Variants in LRRK1 observed in about 807,000 individuals in gnomAD.
LRRK1 encodes leucine-rich repeat serine/threonine-protein kinase 1.
LRRK1 carries 113 observed loss-of-function variants against 209.1 expected under a neutral mutation model. That is an observed-to-expected ratio of 0.54 (90% CI 0.46 to 0.63). The LOEUF (loss-of-function observed/expected upper bound fraction) is 0.63. Among genes scored for constraint, LRRK1 ranks in the 30% least tolerant of loss-of-function variants. LRRK1 has a pLI of 0.00. For missense variants in LRRK1, 2,284 were observed against 2,632.2 expected (o/e 0.87, Z 2.89); for synonymous variants, 1,144 against 1,099.7 (o/e 1.04, Z -0.80).
intron 2 of LRRK1, among the ~76,000 whole-genome samples, chr15:100,952,998 T>G (rs2042685272): frequency 6.6e-6 from 1 of 152,236 alleles, no homozygotes; most frequent in Admixed American, 6.5e-5. Context: ...TGAGGTATAA[T>G]TGCCAAATAA....
At chr15:101,004,681 A>G (rs77390272) in intron 6 of LRRK1, among the ~76,000 whole-genome samples, 4,803 of 152,300 alleles carry the variant, frequency 0.032, 255 homozygotes, top group African/African-American at 0.11. Context: ...GCTCACCTCC[A>G]CTGCGGCTTG....
chr15:100,963,324 A>T (rs1272926756), intron 2 of LRRK1, among the ~76,000 whole-genome samples: 1 of 152,204 alleles, frequency 6.6e-6, no homozygotes, highest in East Asian at 1.9e-4. Flanking sequence ...TAACTTAGAA[A>T]GCCGAGTAGC....
In LRRK1 at chr15:100,967,407, G is replaced by A. The variant is rs1551462; in HGVS notation, c.98-6397G>A. ...GTGTGTGATGGTCATCCATTTACTT[G>A]GATTTTCAGGACGATTGCCTTTGAA... On this transcript the variant is annotated intron_variant, in intron 2 of 33. Transcript: ENST00000388948. Among the ~76,000 whole-genome samples the A allele has an allele frequency of 8.1e-3, 1,233 of 152,302 alleles. 17 individuals carry two copies. The highest frequency in any genetic ancestry group is 0.028 in the African/African-American group (1,169 of 41,552).
At chr15:100,975,435 T>C (rs1356518677) in intron 3 of LRRK1, among the ~76,000 whole-genome samples, 1 of 152,234 alleles carries the variant, frequency 6.6e-6, no homozygotes. Context: ...CAAAGAGCAC[T>C]CTGGCCCATA....
chr15:101,055,845 T>C (rs1216188932), intron 27 of LRRK1, among the ~76,000 whole-genome samples: 3 of 152,236 alleles, frequency 2.0e-5, no homozygotes, highest in African/African-American at 7.2e-5. Flanking sequence ...GTATTACATC[T>C]AGTGCCAGCC....
At chr15:101,006,950 A>G (rs1457492516) in intron 6 of LRRK1, among the ~76,000 whole-genome samples, 2 of 152,252 alleles carry the variant, frequency 1.3e-5, no homozygotes, top group Non-Finnish European at 2.9e-5. Flanking sequence ...TCAGCTCAGA[A>G]TCTACCCTCC....
chr15:100,995,987 G>A (rs548603820), intron 6 of LRRK1, among the ~76,000 whole-genome samples: 114 of 152,372 alleles, frequency 7.5e-4, no homozygotes, highest in African/African-American at 2.7e-3. Context: ...TCAGTGCCCT[G>A]AGCGCAAGCA....
intron 6 of LRRK1, among the ~76,000 whole-genome samples, chr15:101,005,203 C>A (rs116740592): frequency 6.6e-6 from 1 of 152,120 alleles, no homozygotes; most frequent in Non-Finnish European, 1.5e-5. Flanking sequence ...CCTGTGGAGC[C>A]TTTTTTGACT....
chr15:101,026,319 C>T (rs551756265), intron 17 of LRRK1, among the ~76,000 whole-genome samples, 182 bp downstream of exon 17: 3 of 152,272 alleles, frequency 2.0e-5, no homozygotes, highest in African/African-American at 7.2e-5. Flanking sequence ...AGACGGCTGG[C>T]TGGTTGAGGC....
chr15:101,021,119 A>C lies in LRRK1; in HGVS notation c.1676A>C (p.His559Pro). ...SLEVLCLNDN[H>P]LDTVPPSVCL... ...GAAGTCCTTTGCCTGAACGACAACC[A>C]CCTCGACACAGTCCCTCCCTCGGTT... Residue 559 changes from histidine (H) to proline (P), a missense_variant, in exon 13 of 34, where the codon CAC becomes CCC. Around this residue, in one of 6 missense-constraint regions of LRRK1, gnomAD observed 494 missense variants for 522.1 expected, o/e 0.95. Coordinates refer to ENST00000388948, the MANE Select transcript of LRRK1 (RefSeq NM_024652.6). 9 of 1,613,968 alleles carry C rather than the reference A, an allele frequency of 5.6e-6. No individual in the cohort carries two copies. Among genetic ancestry groups the C allele is most frequent in the Non-Finnish European group, 7.6e-6 (9 of 1,179,944 alleles).
chr15:101,045,341 G>A (rs1406441036), intron 20 of LRRK1, among the ~76,000 whole-genome samples: 1 of 152,214 alleles, frequency 6.6e-6, no homozygotes, highest in Non-Finnish European at 1.5e-5. Context: ...GCCGTTGCTG[G>A]TTTTCGGGCA....
intron 2 of LRRK1, among the ~76,000 whole-genome samples, chr15:100,970,815 A>G (rs1286897594): frequency 6.6e-6 from 1 of 152,206 alleles, no homozygotes; most frequent in Non-Finnish European, 1.5e-5. Context: ...ATCCTTGAAG[A>G]TGGATGTCTT....
At chr15:100,943,721 A>C (rs1197822458) in intron 2 of LRRK1, among the ~76,000 whole-genome samples, 1 of 145,998 alleles carries the variant, frequency 6.8e-6, no homozygotes, top group Non-Finnish European at 1.5e-5. Flanking sequence ...TTTGTCACTC[A>C]GGCAGGAGTG....
intron 30 of LRRK1, 93 bp from the exon 31 acceptor site, chr15:101,062,481 C>G (rs1207373906): frequency 1.2e-6 from 1 of 865,112 alleles, no homozygotes; most frequent in East Asian, 2.4e-5. Context: ...CATAGGGGAT[C>G]CCCAAGTCCA....
intron 10 of LRRK1, among the ~76,000 whole-genome samples, chr15:101,012,907 G>GA (rs2033339513): frequency 6.6e-6 from 1 of 152,102 alleles, no homozygotes; most frequent in African/African-American, 2.4e-5. Flanking sequence ...CCCCGGGGGG[G>GA]GGTGGTCCCA....
rs1470568122 is a variant in LRRK1, at chr15:101,056,397, C to T, written c.4333-459C>T. Among the ~76,000 whole-genome samples, 6 of 152,106 alleles carry T rather than the reference C, an allele frequency of 3.9e-5. No individual in the cohort carries two copies. In the South Asian group the frequency reaches 1.2e-3, roughly 32 times the overall value. On this transcript the variant is annotated intron_variant, in intron 27 of 33. Transcript: ENST00000388948. ...TAATCAGTGACTAACAGCAAGTTCT[C>T]AGTGTGTTTTATTGGATGGAAGGAT...
chr15:100,962,083 A>C (rs2030013304), intron 2 of LRRK1, among the ~76,000 whole-genome samples: 1 of 152,232 alleles, frequency 6.6e-6, no homozygotes, highest in Non-Finnish European at 1.5e-5. Flanking sequence ...AATATAGATA[A>C]TACCACTGAA....
chr15:101,031,003 ATGTTGGG>A (rs1567248208), intron 20 of LRRK1, among the ~76,000 whole-genome samples: 1 of 152,106 alleles, frequency 6.6e-6, no homozygotes, highest in Non-Finnish European at 1.5e-5. Flanking sequence ...AGAACATACG[ATGTTGGG>A]TTTCCCATTC....
intron 20 of LRRK1, among the ~76,000 whole-genome samples, chr15:101,034,434 G>A (rs1170922673): frequency 6.6e-6 from 1 of 152,086 alleles, no homozygotes; most frequent in Non-Finnish European, 1.5e-5. Flanking sequence ...TTTGTATGTG[G>A]TAAGAGATAG....
Sources: gnomAD v4.1 joint callset for allele counts (sites outside exome capture counted in the v4.1 genomes callset) on GRCh38, gnomAD v4.1.1 for gene constraint, gnomAD v4.1.1 regional missense constraint, MANE v1.5 for transcripts, NCBI Gene and HGNC (gene_info 2026-07-23, HGNC 2026-07-21) for gene names.